CDC42SE2: variants seen among roughly 807,000 people sequenced by gnomAD.
CDC42SE2 encodes CDC42 small effector protein 2.
CDC42SE2 carries 3 observed loss-of-function variants against 11.5 expected under a neutral mutation model. That is an observed-to-expected ratio of 0.26 (90% CI 0.12 to 0.67). CDC42SE2 has a LOEUF of 0.67. Ranked by LOEUF, CDC42SE2 falls within the 30% of genes least tolerant of loss-of-function variation. The pLI is 0.80. For missense variants in CDC42SE2, 82 were observed against 106.8 expected, an observed-to-expected ratio of 0.77 and a Z score of 1.02; for synonymous variants, 33 against 34.8, an observed-to-expected ratio of 0.95 and a Z score of 0.18.
chr5:131,237,674 G>C, the CDC42SE2 span, among the ~76,000 whole-genome samples: 1 of 152,148 alleles, frequency 6.6e-6, no homozygotes, highest in East Asian at 1.9e-4. Flanking sequence ...AAATTCCTGG[G>C]CTCAGGCAAT....
At chr5:131,224,366 C>G in the CDC42SE2 span, among the ~76,000 whole-genome samples, 1 of 152,196 alleles carries the variant, frequency 6.6e-6, no homozygotes, top group African/African-American at 2.4e-5. Context: ...CCTACCTCAT[C>G]TGCAGCCTTC....
At chr5:131,301,980 A>T (rs913804878) in intron 1 of CDC42SE2, among the ~76,000 whole-genome samples, 15 of 151,446 alleles carry the variant, frequency 9.9e-5, no homozygotes, top group Non-Finnish European at 1.5e-4. Flanking sequence ...TGATAGCAGC[A>T]CCTCCTTTTT....
intron 2 of CDC42SE2, among the ~76,000 whole-genome samples, chr5:131,347,803 G>A (rs531005253): frequency 1.8e-3 from 268 of 152,278 alleles, no homozygotes; most frequent in Admixed American, 4.4e-3. Flanking sequence ...TATGTACCAC[G>A]ATCAAGTGGG....
At chr5:131,309,701 C>G (rs1757859254) in intron 1 of CDC42SE2, among the ~76,000 whole-genome samples, 1 of 151,752 alleles carries the variant, frequency 6.6e-6, no homozygotes, top group Non-Finnish European at 1.5e-5. Context: ...AGGAATTTAT[C>G]CATTTCTTCT....
intron 3 of CDC42SE2, among the ~76,000 whole-genome samples, chr5:131,384,083 C>T (rs1006925802): frequency 1.3e-5 from 2 of 152,076 alleles, no homozygotes; most frequent in African/African-American, 4.8e-5. Context: ...TTCAGATAAC[C>T]GTGTGCCACG....
intron 2 of CDC42SE2, among the ~76,000 whole-genome samples, chr5:131,336,364 T>G (rs1201528162): frequency 6.6e-6 from 1 of 152,216 alleles, no homozygotes; most frequent in Admixed American, 6.5e-5. Context: ...GGGCTTCCCT[T>G]TGCGGGTAAC....
At chr5:131,274,178 A>G (rs1336466115) in intron 1 of CDC42SE2, among the ~76,000 whole-genome samples, 2 of 152,158 alleles carry the variant, frequency 1.3e-5, no homozygotes, top group Admixed American at 6.6e-5. Flanking sequence ...TAGATTTCTA[A>G]TAGGCATCCC....
intron 3 of CDC42SE2, among the ~76,000 whole-genome samples, chr5:131,359,967 C>G (rs1330778005): frequency 6.6e-6 from 1 of 152,098 alleles, no homozygotes; most frequent in Non-Finnish European, 1.5e-5. Context: ...ATATCATTGT[C>G]TTTATTTTTC....
At chr5:131,375,784 C>G (rs1750133952) in intron 3 of CDC42SE2, among the ~76,000 whole-genome samples, 2 of 152,160 alleles carry the variant, frequency 1.3e-5, no homozygotes, top group Admixed American at 6.5e-5. Context: ...TATCTAAAAC[C>G]TTGTTTCTCT....
chr5:131,248,452 A>G (rs906034645), intron 1 of CDC42SE2, among the ~76,000 whole-genome samples: 2 of 152,134 alleles, frequency 1.3e-5, no homozygotes, highest in Admixed American at 6.6e-5. Flanking sequence ...ATTCCCTTTT[A>G]AAACAGGAAT....
Position 131,392,631 on chromosome 5 carries a change from T to TAAAC in CDC42SE2, c.*1542_*1545dup, listed in dbSNP as rs1289593322. The TAAAC allele has an allele frequency of 6.6e-6, 1 of 152,378 alleles. No individual in the cohort carries two copies. The allele number at this position is 152,378 out of a possible 1,614,324, so 9.4% of individuals were successfully genotyped here. On this transcript the variant is annotated 3_prime_UTR_variant, in exon 5 of 5. Coordinates refer to ENST00000505065, the MANE Select transcript of CDC42SE2 (RefSeq NM_001375635.1). ...TTTTGAGAGCAAGGACCTGTGGTTG[T>TAAAC]AAACAGGTGTGGTTACAGGTGTGGT...
chr5:131,344,779 C>G (rs907386875), intron 2 of CDC42SE2, among the ~76,000 whole-genome samples: 3 of 152,188 alleles, frequency 2.0e-5, no homozygotes, highest in African/African-American at 7.2e-5. Flanking sequence ...CTCATACAGC[C>G]AGGTGCCCCT....
chr5:131,344,172 A>G (rs961618730), intron 2 of CDC42SE2, among the ~76,000 whole-genome samples: 1 of 152,150 alleles, frequency 6.6e-6, no homozygotes, highest in Non-Finnish European at 1.5e-5. Flanking sequence ...CTTGTCAGAC[A>G]GTGGGTGCAG....
chr5:131,292,240 C>CAAAAAA (rs1202956370), intron 1 of CDC42SE2, among the ~76,000 whole-genome samples: 4 of 25,622 alleles, frequency 1.6e-4, no homozygotes, highest in Non-Finnish European at 2.4e-4. Flanking sequence ...TCTGTCTCAC[C>CAAAAAA]AAAAAAAAAA....
intron 2 of CDC42SE2, among the ~76,000 whole-genome samples, chr5:131,356,618 A>G (rs1438173937): frequency 6.6e-6 from 1 of 152,210 alleles, no homozygotes; most frequent in Non-Finnish European, 1.5e-5. Context: ...ATATGTAGCA[A>G]TAGAAGTTAT....
intron 2 of CDC42SE2, among the ~76,000 whole-genome samples, chr5:131,318,102 A>T (rs1056152800): frequency 2.2e-4 from 33 of 151,934 alleles, no homozygotes; most frequent in African/African-American, 8.0e-4. Flanking sequence ...CACCATGCCC[A>T]GCCAATTTAT....
chr5:131,295,899 G>T (rs1580737469), intron 1 of CDC42SE2, among the ~76,000 whole-genome samples: 1 of 151,992 alleles, frequency 6.6e-6, no homozygotes, highest in Non-Finnish European at 1.5e-5. Context: ...GTTAGCCAGG[G>T]TGGTCTCGAC....
the CDC42SE2 span, among the ~76,000 whole-genome samples, chr5:131,220,643 C>T: frequency 6.6e-6 from 1 of 152,168 alleles, no homozygotes; most frequent in African/African-American, 2.4e-5. Flanking sequence ...GAAGATAGTA[C>T]ATTGTTTGCG....
chr5:131,385,842 A>T (rs1750465264), intron 4 of CDC42SE2, among the ~76,000 whole-genome samples, 198 bp downstream of exon 4: 1 of 152,184 alleles, frequency 6.6e-6, no homozygotes, highest in Admixed American at 6.5e-5. Flanking sequence ...TGGATTAGGT[A>T]TTTGTTTCTG....
Sources: gnomAD v4.1 joint callset for allele counts (sites outside exome capture counted in the v4.1 genomes callset) on GRCh38, gnomAD v4.1.1 for gene constraint, MANE v1.5 for transcripts, NCBI Gene and HGNC (gene_info 2026-07-23, HGNC 2026-07-21) for gene names.